Variants in ZNF438 observed in about 807,000 individuals in gnomAD.
ZNF438 encodes zinc finger protein 438.
ZNF438 carries 25 observed loss-of-function variants against 38.0 expected under a neutral mutation model. That is an observed-to-expected ratio of 0.66 (90% CI 0.48 to 0.92). The LOEUF (loss-of-function observed/expected upper bound fraction) is 0.92, where lower values mean the gene tolerates loss of function less well. Among genes scored for constraint, ZNF438 ranks in the 40% least tolerant of loss-of-function variants. The pLI is 0.00. For missense variants in ZNF438, 1,007 were observed against 999.6 expected (o/e 1.01, Z -0.10); for synonymous variants, 372 against 364.1 (o/e 1.02, Z -0.25).
intron 2 of ZNF438, among the ~76,000 whole-genome samples, chr10:30,938,378 C>T (rs547963892): frequency 6.6e-5 from 10 of 151,814 alleles, no homozygotes; most frequent in East Asian, 2.0e-4. Flanking sequence ...CGGATTCAAG[C>T]GATTCTCCTG....
chr10:31,006,591 G>A (rs1366110860), intron 1 of ZNF438, among the ~76,000 whole-genome samples: 1 of 152,070 alleles, frequency 6.6e-6, no homozygotes, highest in Non-Finnish European at 1.5e-5. Context: ...AACCCAAAGA[G>A]GTGGTTGTGG....
At chr10:30,978,125 CATTTT>C (rs1443488223) in intron 1 of ZNF438, among the ~76,000 whole-genome samples, 1 of 152,176 alleles carries the variant, frequency 6.6e-6, no homozygotes, top group African/African-American at 2.4e-5. Context: ...GTAATTATTT[CATTTT>C]ATCTGGCTGC....
chr10:30,851,584 A>C (rs2033642606), intron 4 of ZNF438, among the ~76,000 whole-genome samples: 1 of 152,264 alleles, frequency 6.6e-6, no homozygotes, highest in South Asian at 2.1e-4. Flanking sequence ...CGTGTACTAA[A>C]TGTTACATAA....
chr10:30,972,107 C>T (rs1377852469), intron 1 of ZNF438, among the ~76,000 whole-genome samples: 3 of 150,930 alleles, frequency 2.0e-5, no homozygotes, highest in Non-Finnish European at 2.9e-5. Context: ...GTAGCTGGGA[C>T]TACAGGTGCC....
intron 1 of ZNF438, among the ~76,000 whole-genome samples, chr10:31,001,780 A>G (rs893662702): frequency 6.6e-6 from 1 of 152,154 alleles, no homozygotes; most frequent in Non-Finnish European, 1.5e-5. Context: ...CCAAAATCCA[A>G]TAATTTAGTT....
At chr10:30,848,609 G>T in exon 5 of ZNF438, 1 of 1,614,028 alleles carries the variant, frequency 6.2e-7, no homozygotes, top group Non-Finnish European at 8.5e-7. Context: ...TTCACTGGGC[G>T]CAGGCTCAGT....
intron 4 of ZNF438, among the ~76,000 whole-genome samples, chr10:30,861,545 G>A (rs746515098): frequency 3.9e-5 from 6 of 152,122 alleles, no homozygotes; most frequent in East Asian, 1.9e-4. Context: ...ATAAACTGAA[G>A]TAACTAATTA....
chr10:30,995,926 T>C (rs1450500634), intron 1 of ZNF438, among the ~76,000 whole-genome samples: 1 of 152,196 alleles, frequency 6.6e-6, no homozygotes, highest in African/African-American at 2.4e-5. Context: ...AACAGTGTGT[T>C]GTTGGGTTTG....
chr10:30,856,069 T>C (rs1156441981), intron 4 of ZNF438, among the ~76,000 whole-genome samples: 2 of 152,230 alleles, frequency 1.3e-5, no homozygotes, highest in African/African-American at 4.8e-5. Flanking sequence ...TTGGGATATT[T>C]GTGATGAGTG....
At chr10:30,966,960 A>C (rs1002261265) in intron 1 of ZNF438, among the ~76,000 whole-genome samples, 10 of 152,206 alleles carry the variant, frequency 6.6e-5, no homozygotes, top group Non-Finnish European at 1.5e-4. Flanking sequence ...TCAAAGAGAT[A>C]CTGTTTCGTT....
chr10:31,012,806 C>T (rs1427805154), intron 1 of ZNF438, among the ~76,000 whole-genome samples: 1 of 152,158 alleles, frequency 6.6e-6, no homozygotes, highest in Non-Finnish European at 1.5e-5. Flanking sequence ...GAAAGAGGGA[C>T]CCTCTTCCCC....
intron 3 of ZNF438, among the ~76,000 whole-genome samples, chr10:30,897,936 A>G (rs2041548376): frequency 6.6e-6 from 1 of 152,238 alleles, no homozygotes; most frequent in Non-Finnish European, 1.5e-5. Context: ...AAACTGAAAT[A>G]CAACAAATGG....
chr10:30,991,305 T>A (rs540857996), intron 1 of ZNF438, among the ~76,000 whole-genome samples: 1 of 152,222 alleles, frequency 6.6e-6, no homozygotes, highest in Non-Finnish European at 1.5e-5. Flanking sequence ...TTCTATTCTG[T>A]AGAGGCACAG....
intron 4 of ZNF438, among the ~76,000 whole-genome samples, chr10:30,874,031 C>G (rs953517378): frequency 2.0e-5 from 3 of 150,788 alleles, no homozygotes; most frequent in African/African-American, 7.3e-5. Flanking sequence ...CAGCAAACTT[C>G]TCATGTCACA....
intron 5 of ZNF438, among the ~76,000 whole-genome samples, chr10:30,846,103 T>C (rs55867315): frequency 0.14 from 21,119 of 152,312 alleles, 1,687 homozygotes; most frequent in Non-Finnish European, 0.19. Context: ...TCTGTCCCCT[T>C]TAAGACCTCT....
Position 30,916,760 on chromosome 10 carries a change from A to G in ZNF438, c.-114-7745T>C, listed in dbSNP as rs77760752. On this transcript the variant is annotated intron_variant, in intron 2 of 5. Transcript: ENST00000413025. ...ATCTGAGTTGTTCCCAGCTTTCTGG[A>G]ACATATTATGTATTTCTCTATGTAG... Among the ~76,000 whole-genome samples, 216 of 152,102 alleles carry G rather than the reference A, an allele frequency of 1.4e-3. 1 individual carries two copies. The highest frequency in any genetic ancestry group is 5.0e-3 in the African/African-American group (209 of 41,530).
At chr10:30,899,659 C>G (rs942405146) in intron 3 of ZNF438, among the ~76,000 whole-genome samples, 2 of 151,852 alleles carry the variant, frequency 1.3e-5, no homozygotes, top group East Asian at 1.9e-4. Flanking sequence ...TCCCCACCCC[C>G]CCACACACAG....
At chr10:31,021,766 CAA>C (rs890400342) in intron 1 of ZNF438, among the ~76,000 whole-genome samples, 1 of 152,062 alleles carries the variant, frequency 6.6e-6, no homozygotes, top group Non-Finnish European at 1.5e-5. Flanking sequence ...CAAATACTAC[CAA>C]AAACTACACC....
In ZNF438 at chr10:30,961,839, G is replaced by T. The variant is rs1454500978; in HGVS notation, c.-191-20188C>A. ...GGAGGTGGAGGTTGCAGTGGGCCGA[G>T]ATTGCACCACTGCTCTCCAGCCTGG... On this transcript the variant is annotated intron_variant, in intron 1 of 5. Transcript: ENST00000413025. 2.1e-5 allele frequency among the ~76,000 whole-genome samples: 3 copies of T among 139,626 alleles called. 1 individual carries two copies. The highest frequency in any genetic ancestry group is 7.6e-5 in the African/African-American group (3 of 39,716). 91.6% of individuals were successfully genotyped at this position (139,626 alleles called of 152,430 possible).
Sources: gnomAD v4.1 joint callset for allele counts (sites outside exome capture counted in the v4.1 genomes callset) on GRCh38, gnomAD v4.1.1 for gene constraint, MANE v1.5 for transcripts, NCBI Gene and HGNC (gene_info 2026-07-23, HGNC 2026-07-21) for gene names.